Variants in EYS observed in about 807,000 individuals in gnomAD.
EYS encodes the protein EGF-like photoreceptor maintenance factor.
Under a neutral mutation model 282.1 loss-of-function variants are expected in EYS, and 250 were observed. The observed-to-expected ratio is 0.89, with a 90% CI of 0.80 to 0.98. EYS has a LOEUF of 0.98. Among genes scored for constraint, EYS ranks in the 50% least tolerant of loss-of-function variants. The pLI is 0.00. For synonymous variants in EYS, 1,355 were observed against 1,282.9 expected (o/e 1.06, Z -1.20); for missense variants, 4,016 against 3,709.0 (o/e 1.08, Z -2.15).
At chr6:65,231,295 A>T (rs1766777063) in intron 12 of EYS, among the ~76,000 whole-genome samples, 1 of 150,326 alleles carries the variant, frequency 6.7e-6, no homozygotes, top group African/African-American at 2.4e-5. Context: ...TCTGTGTATT[A>T]GATCAGAAAA....
intron 12 of EYS, among the ~76,000 whole-genome samples, chr6:65,200,711 C>G (rs1765879358): frequency 2.0e-5 from 3 of 147,972 alleles, no homozygotes; most frequent in African/African-American, 5.3e-5. Context: ...TCCCTCTGTT[C>G]TTTAAATTGC....
chr6:63,990,367 G>A (rs967956637), intron 34 of EYS, among the ~76,000 whole-genome samples: 3 of 151,526 alleles, frequency 2.0e-5, no homozygotes, highest in African/African-American at 4.8e-5. Flanking sequence ...AAGCTGTAAG[G>A]AAAATTTATG....
chr6:65,278,096 C>T, intron 12 of EYS, among the ~76,000 whole-genome samples: 1 of 31,350 alleles, frequency 3.2e-5, no homozygotes, highest in Non-Finnish European at 9.1e-5. Context: ...AAGATTGGCT[C>T]CTGGGTCTAG....
At chr6:64,080,178 C>A (rs533309482) in intron 32 of EYS, among the ~76,000 whole-genome samples, 1 of 152,238 alleles carries the variant, frequency 6.6e-6, no homozygotes, top group East Asian at 1.9e-4. Context: ...GTTTACAGTC[C>A]CACCAACAGT....
intron 26 of EYS, among the ~76,000 whole-genome samples, chr6:64,532,385 T>C (rs902014033): frequency 6.6e-6 from 1 of 152,158 alleles, no homozygotes; most frequent in Non-Finnish European, 1.5e-5. Flanking sequence ...CTCCCTCAGT[T>C]TGGCAAACTA....
Position 63,975,108 on chromosome 6 carries a change from C to CAA in EYS, c.7055+9273_7055+9274dup, listed in dbSNP as rs199610463. 2.5e-3 allele frequency among the ~76,000 whole-genome samples: 312 copies of CAA among 126,844 alleles called. 1 individual carries two copies. Among genetic ancestry groups the CAA allele is most frequent in the African/African-American group, 8.2e-3 (295 of 35,926 alleles). The allele number at this position is 126,844 out of a possible 152,430, so 83.2% of individuals were successfully genotyped here. ...TGTAGAATGGGGGAAAGAAATGAGA[C>CAA]AAAAAAAAAAAAGATAAACAATAGA... On this transcript the variant is annotated intron_variant, in intron 35 of 42. Coordinates refer to ENST00000503581, the MANE Select transcript of EYS (RefSeq NM_001142800.2).
Position 65,436,467 on chromosome 6 carries a change from G to GA in EYS, c.863-31101dup, listed in dbSNP as rs879660060. Among the ~76,000 whole-genome samples the GA allele has an allele frequency of 1.2e-3, 176 of 150,706 alleles. 2 individuals carry two copies. The highest frequency in any genetic ancestry group is 5.2e-3 in the East Asian group (27 of 5,144). Reference sequence around the variant, plus strand: ...GCAATGTGACAAGAAGAAAAAAGAAGAAAAAAAAATGATGTTTTGATTGTC... The same window carrying GA: ...GCAATGTGACAAGAAGAAAAAAGAAGAAAAAAAAAATGATGTTTTGATTGTC... On this transcript the variant is annotated intron_variant, in intron 5 of 42. Coordinates refer to ENST00000503581, the MANE Select transcript of EYS (RefSeq NM_001142800.2).
chr6:65,323,870 C>T (rs1769544764), intron 11 of EYS, among the ~76,000 whole-genome samples: 1 of 150,258 alleles, frequency 6.7e-6, no homozygotes, highest in South Asian at 2.1e-4. Flanking sequence ...CTTTCACTGG[C>T]ATATCCCTCA....
intron 30 of EYS, among the ~76,000 whole-genome samples, chr6:64,238,493 G>A (rs1431670780): frequency 6.6e-6 from 1 of 152,044 alleles, no homozygotes; most frequent in Non-Finnish European, 1.5e-5. Context: ...CCCTCACCCT[G>A]TATTGTACAT....
intron 5 of EYS, among the ~76,000 whole-genome samples, chr6:65,430,226 C>CT (rs2150383485): frequency 6.6e-6 from 1 of 152,158 alleles, no homozygotes; most frequent in East Asian, 1.9e-4. Context: ...TCATAGTATC[C>CT]TTTTTTAACT....
At chr6:64,857,332 T>G (rs1766094933) in intron 19 of EYS, among the ~76,000 whole-genome samples, 1 of 152,196 alleles carries the variant, frequency 6.6e-6, no homozygotes, top group East Asian at 1.9e-4. Flanking sequence ...CACTTTAGAT[T>G]CCATATGTAA....
intron 2 of EYS, among the ~76,000 whole-genome samples, chr6:65,518,137 C>T (rs534036914): frequency 2.0e-5 from 3 of 152,024 alleles, no homozygotes; most frequent in Non-Finnish European, 2.9e-5. Context: ...ATATTCCCAA[C>T]GTCTTACAGC....
Position 64,213,936 on chromosome 6 carries a change from A to C in EYS, c.6424+16656T>G, listed in dbSNP as rs184242054. Reference sequence around the variant, plus strand: ...GATTTCACAAACTCTAATTGTGTCCAGAGTCATACATTCATCATTTTGAGC... The same window carrying C: ...GATTTCACAAACTCTAATTGTGTCCCGAGTCATACATTCATCATTTTGAGC... On this transcript the variant is annotated intron_variant, in intron 31 of 42. Transcript: ENST00000503581. Among the ~76,000 whole-genome samples the C allele has an allele frequency of 3.9e-5, 6 of 152,300 alleles. No individual in the cohort carries two copies. The East Asian group carries it at 1.2e-3, about 29-fold the overall frequency.
intron 31 of EYS, among the ~76,000 whole-genome samples, chr6:64,147,719 A>C (rs1287894298): frequency 6.6e-6 from 1 of 152,164 alleles, no homozygotes; most frequent in Admixed American, 6.6e-5. Context: ...GATGAATGCC[A>C]CTTCTGAACT....
At chr6:65,391,411 C>CA (rs902178507) in intron 7 of EYS, among the ~76,000 whole-genome samples, 11 of 151,856 alleles carry the variant, frequency 7.2e-5, no homozygotes, top group Non-Finnish European at 1.3e-4. Flanking sequence ...ATGATTGATT[C>CA]AAAAAAACCC....
At chr6:64,408,090 G>C (rs1773781931) in intron 28 of EYS, among the ~76,000 whole-genome samples, 2 of 152,034 alleles carry the variant, frequency 1.3e-5, no homozygotes, top group Non-Finnish European at 2.9e-5. Flanking sequence ...TATCTTTGGA[G>C]TATTATTTCT....
At chr6:64,789,223 A>C (rs2149999067) in intron 22 of EYS, among the ~76,000 whole-genome samples, 1 of 152,318 alleles carries the variant, frequency 6.6e-6, no homozygotes, top group South Asian at 2.1e-4. Flanking sequence ...CAAGATTTTT[A>C]ACAATTTTTC....
At chr6:65,137,461 G>A (rs1776053110) in intron 12 of EYS, among the ~76,000 whole-genome samples, 1 of 152,076 alleles carries the variant, frequency 6.6e-6, no homozygotes, top group Non-Finnish European at 1.5e-5. Flanking sequence ...TGATATTAAG[G>A]CAATAGAAAA....
intron 31 of EYS, among the ~76,000 whole-genome samples, chr6:64,160,004 G>A (rs2150300418): frequency 6.6e-6 from 1 of 152,240 alleles, no homozygotes; most frequent in Middle Eastern, 3.4e-3. Flanking sequence ...ATAAAACTGA[G>A]GTACAAACAG....
Sources: gnomAD v4.1 joint callset for allele counts (sites outside exome capture counted in the v4.1 genomes callset) on GRCh38, gnomAD v4.1.1 for gene constraint, MANE v1.5 for transcripts, NCBI Gene and HGNC (gene_info 2026-07-23, HGNC 2026-07-21) for gene names.